Variants in C12orf56 observed in about 807,000 individuals in gnomAD.
C12orf56 encodes uncharacterized protein C12orf56.
In C12orf56, 71 loss-of-function variants were observed where a neutral mutation model predicts 69.9. The ratio of observed to expected loss-of-function variants is 1.02; its 90% CI spans 0.84 to 1.24. The LOEUF (loss-of-function observed/expected upper bound fraction) is 1.24, where lower values mean the gene tolerates loss of function less well. C12orf56 is among the 50% of genes most tolerant of loss of function. C12orf56 has a pLI of 0.00. For missense variants in C12orf56, 732 were observed against 738.5 expected (o/e 0.99, Z 0.10); for synonymous variants, 276 against 274.1 (o/e 1.01, Z -0.07).
chr12:64,282,263 A>G (rs1465364775), intron 8 of C12orf56, among the ~76,000 whole-genome samples: 8 of 152,258 alleles, frequency 5.3e-5, no homozygotes, highest in Non-Finnish European at 1.5e-5. Flanking sequence ...AGAGCTCAGC[A>G]AACTATGGCC....
At chr12:64,287,243 C>CA (rs534894017) in intron 6 of C12orf56, among the ~76,000 whole-genome samples, 3 of 98,770 alleles carry the variant, frequency 3.0e-5, no homozygotes, top group Admixed American at 1.2e-4. Flanking sequence ...GAGACTCCAT[C>CA]AAAAAAAAAA....
Position 64,270,536 on chromosome 12 carries a change from C to A in C12orf56, c.1763G>T (p.Arg588Met). The A allele has an allele frequency of 6.5e-7, 1 of 1,536,678 alleles. No homozygotes were observed. Among genetic ancestry groups the A allele is most frequent in the South Asian group, 1.3e-5 (1 of 79,770 alleles). ...YIRNNYREEFRYFIHMPALQK... is the reference protein window; with the variant it reads ...YIRNNYREEFMYFIHMPALQK... ...ATTAGATTCAGACATTTTTTCTTAC[C>A]TGAATTCTTCTCTGTAGTTATTCCT... The change falls in exon 12 of 13, where the codon AGG (arginine) becomes ATG (methionine). Residue 588 changes from arginine (R) to methionine (M), a missense_variant and splice_region_variant. Arg to Met is a moderately conservative substitution (Grantham distance 91). Coordinates refer to ENST00000543942, the MANE Select transcript of C12orf56 (RefSeq NM_001170633.2).
rs750421781 is a variant in C12orf56 at position 64,270,570 on chromosome 12, C to CT, written c.1728_1729insA (p.Glu577ArgfsTer4). On this transcript the variant is annotated frameshift_variant, in exon 12 of 13. Transcript: ENST00000543942. LOFTEE classifies it high-confidence loss of function. The stretch of plus-strand genomic sequence containing the variant: ...TCTCTGTAGTTATTCCTAATATACT[C>CT]AGCTAGAGTCCTGCTGTGCCGCAGA... 4.4e-6 allele frequency: 7 copies of CT among 1,607,510 alleles called. No homozygotes were observed. In the South Asian group the frequency reaches 5.6e-5, roughly 13 times the overall value.
chr12:64,314,205 C>T (rs535084546), intron 4 of C12orf56, among the ~76,000 whole-genome samples: 1 of 152,094 alleles, frequency 6.6e-6, no homozygotes, highest in Admixed American at 6.5e-5. Context: ...CCTGCCTCAG[C>T]CTCCTGAATA....
In C12orf56 at chr12:64,318,816, G is replaced by A; in HGVS notation, c.653C>T (p.Pro218Leu). 4 of 1,537,230 alleles carry A rather than the reference G, an allele frequency of 2.6e-6. No homozygotes were observed. The highest frequency in any genetic ancestry group is 3.5e-6 in the Non-Finnish European group (4 of 1,146,906). Reference protein sequence around the residue: ...APTTGKAVSEPSCTTNTKEPQ... With the variant: ...APTTGKAVSELSCTTNTKEPQ... ...TTCTTTTGTGTTTGTTGTGCAAGAT[G>A]GCTCGCTGACAGCCTTGCCAGTTGT... is the stretch of plus-strand genomic sequence containing the variant. Residue 218 changes from proline to leucine, a missense_variant, in exon 4 of 13, where the codon CCA becomes CTA. Coordinates refer to ENST00000543942, the MANE Select transcript of C12orf56 (RefSeq NM_001170633.2).
intron 5 of C12orf56, among the ~76,000 whole-genome samples, chr12:64,309,943 A>C (rs1284147410): frequency 6.6e-6 from 1 of 152,202 alleles, no homozygotes; most frequent in Non-Finnish European, 1.5e-5. Context: ...CTGAAGTGAT[A>C]CTAAGACAAA....
intron 5 of C12orf56, among the ~76,000 whole-genome samples, chr12:64,308,918 AAG>A (rs1309624166): frequency 1.4e-5 from 1 of 70,980 alleles, no homozygotes; most frequent in African/African-American, 5.3e-5. Flanking sequence ...GAAAGAAAGA[AAG>A]AAAGAAAGAA....
At chr12:64,334,112 C>T (rs2038964270) in intron 2 of C12orf56, among the ~76,000 whole-genome samples, 1 of 152,100 alleles carries the variant, frequency 6.6e-6, no homozygotes, top group Non-Finnish European at 1.5e-5. Flanking sequence ...GTAGTACGGG[C>T]CAGCTGAAGA....
At chr12:64,301,518 G>A (rs1246189137) in intron 6 of C12orf56, among the ~76,000 whole-genome samples, 1 of 152,158 alleles carries the variant, frequency 6.6e-6, no homozygotes, top group Admixed American at 6.6e-5. Context: ...TAAATTTACT[G>A]AGGCCCCAGA....
At chr12:64,361,987 G>A (rs529374598) in intron 1 of C12orf56, among the ~76,000 whole-genome samples, 191 of 152,168 alleles carry the variant, frequency 1.3e-3, no homozygotes, top group African/African-American at 4.2e-3. Flanking sequence ...CCACCTCGGC[G>A]TCCCAAGTGC....
chr12:64,371,302 G>A (rs1470810904), intron 1 of C12orf56, among the ~76,000 whole-genome samples: 2 of 152,152 alleles, frequency 1.3e-5, no homozygotes, highest in East Asian at 3.9e-4. Context: ...AGCTACTGAG[G>A]TGTGACAATC....
chr12:64,283,718 G>A (rs1027399658), intron 8 of C12orf56, among the ~76,000 whole-genome samples: 1 of 150,300 alleles, frequency 6.7e-6, no homozygotes, highest in Non-Finnish European at 1.5e-5. Flanking sequence ...GTATAATGAA[G>A]TCATCAAGGT....
At chr12:64,376,869 T>A (rs2039648506) in intron 1 of C12orf56, among the ~76,000 whole-genome samples, 1 of 152,072 alleles carries the variant, frequency 6.6e-6, no homozygotes, top group Non-Finnish European at 1.5e-5. Context: ...AGATGGAGTC[T>A]TGCTCTGTTG....
chr12:64,320,326 A>G (rs185272375), intron 3 of C12orf56, among the ~76,000 whole-genome samples: 194 of 152,206 alleles, frequency 1.3e-3, no homozygotes, highest in African/African-American at 4.2e-3. Flanking sequence ...CTCTGGGAGC[A>G]AGGACACCCC....
chr12:64,283,740 C>T (rs1239749055), intron 8 of C12orf56, among the ~76,000 whole-genome samples: 1 of 151,290 alleles, frequency 6.6e-6, no homozygotes, highest in East Asian at 1.9e-4. Context: ...AGCCAGCTTA[C>T]ACTATAAGGA....
At chr12:64,386,384 T>A (rs192794322) in intron 1 of C12orf56, among the ~76,000 whole-genome samples, 5,792 of 103,912 alleles carry the variant, frequency 0.056, 377 homozygotes, top group African/African-American at 0.2. Flanking sequence ...TGGCTAATTT[T>A]TATATATATA....
At chr12:64,348,058 C>A (rs1478707164) in intron 2 of C12orf56, among the ~76,000 whole-genome samples, 1 of 152,088 alleles carries the variant, frequency 6.6e-6, no homozygotes, top group South Asian at 2.1e-4. Flanking sequence ...GCAAGCAGAT[C>A]ACCTGAAGAC....
chr12:64,279,047 T>C (rs756629536), intron 8 of C12orf56, among the ~76,000 whole-genome samples: 2 of 152,182 alleles, frequency 1.3e-5, no homozygotes, highest in Non-Finnish European at 1.5e-5. Context: ...CTTTTCTTGG[T>C]TTCTGTTAAT....
chr12:64,340,841 T>A (rs973976319), intron 2 of C12orf56, among the ~76,000 whole-genome samples: 2 of 152,244 alleles, frequency 1.3e-5, no homozygotes, highest in African/African-American at 4.8e-5. Context: ...CAGGTCATGG[T>A]TTTTTCCTGG....
Sources: gnomAD v4.1 joint callset for allele counts (sites outside exome capture counted in the v4.1 genomes callset) on GRCh38, gnomAD v4.1.1 for gene constraint, MANE v1.5 for transcripts, NCBI Gene and HGNC (gene_info 2026-07-23, HGNC 2026-07-21) for gene names.